Variants in KLHL29 observed in about 807,000 individuals in gnomAD.
KLHL29 encodes kelch-like protein 29.
A neutral mutation model predicts 80.4 loss-of-function variants in KLHL29; 21 were observed. The ratio of observed to expected loss-of-function variants is 0.26; its 90% CI spans 0.19 to 0.38. The LOEUF (loss-of-function observed/expected upper bound fraction) is 0.38. Among genes scored for constraint, KLHL29 ranks in the 10% least tolerant of loss-of-function variants. The probability of loss-of-function intolerance (pLI) is 1.00; values close to 1 mark genes in which losing one functional copy is unlikely to be tolerated. For missense variants in KLHL29, 867 were observed against 1,223.9 expected (o/e 0.71, Z 4.35); for synonymous variants, 511 against 526.8 (o/e 0.97, Z 0.41).
chr2:23,482,936 C>T (rs1034016438), intron 2 of KLHL29, among the ~76,000 whole-genome samples: 2 of 152,316 alleles, frequency 1.3e-5, no homozygotes, highest in Non-Finnish European at 2.9e-5. Context: ...GTCAGACTTT[C>T]GCCCTGCCTG....
At chr2:23,577,476 G>A (rs780443480) in intron 3 of KLHL29, among the ~76,000 whole-genome samples, 28 of 151,628 alleles carry the variant, frequency 1.8e-4, no homozygotes, top group Middle Eastern at 3.4e-3. Flanking sequence ...GCCATGCGCG[G>A]TGGCTCACAC....
At chr2:23,602,514 C>A (rs1668597137) in intron 3 of KLHL29, among the ~76,000 whole-genome samples, 2 of 152,030 alleles carry the variant, frequency 1.3e-5, no homozygotes, top group Non-Finnish European at 2.9e-5. Context: ...TAGGAAGCCA[C>A]AACAGGGGTA....
intron 2 of KLHL29, among the ~76,000 whole-genome samples, chr2:23,478,986 C>T (rs936873708): frequency 2.0e-5 from 3 of 151,834 alleles, no homozygotes; most frequent in African/African-American, 7.3e-5. Context: ...GCCTGCCTTC[C>T]CTCCCTCGTG....
At chr2:23,702,945 C>T (rs1239354511) in intron 11 of KLHL29, among the ~76,000 whole-genome samples, 2 of 152,236 alleles carry the variant, frequency 1.3e-5, no homozygotes, top group African/African-American at 2.4e-5. Context: ...TCTGCACAGA[C>T]GCTGCCATAG....
At chr2:23,621,559 A>T (rs932127547) in intron 3 of KLHL29, among the ~76,000 whole-genome samples, 6 of 132,522 alleles carry the variant, frequency 4.5e-5, no homozygotes, top group Non-Finnish European at 6.4e-5. Context: ...GGGGGAGGGG[A>T]GGGGGAGGAG....
intron 3 of KLHL29, among the ~76,000 whole-genome samples, chr2:23,590,384 A>G (rs994554040): frequency 1.3e-5 from 2 of 152,078 alleles, no homozygotes; most frequent in African/African-American, 2.4e-5. Flanking sequence ...GCTCAGACCT[A>G]TATGTTTTGT....
chr2:23,421,225 T>TGG (rs1662792146), intron 1 of KLHL29, among the ~76,000 whole-genome samples: 1 of 152,256 alleles, frequency 6.6e-6, no homozygotes, highest in Admixed American at 6.5e-5. Flanking sequence ...TGCTAGACAA[T>TGG]GGTTGGCACC....
At chr2:23,583,528 G>A (rs953385201) in intron 3 of KLHL29, among the ~76,000 whole-genome samples, 2 of 152,212 alleles carry the variant, frequency 1.3e-5, no homozygotes, top group South Asian at 2.1e-4. Flanking sequence ...GGCGATTAAA[G>A]CGAGAAGCTC....
intron 3 of KLHL29, among the ~76,000 whole-genome samples, chr2:23,579,055 T>C (rs1241905125): frequency 1.3e-5 from 2 of 152,218 alleles, no homozygotes; most frequent in African/African-American, 2.4e-5. Context: ...GCTCCCGTTC[T>C]GTTTGTTGGT....
At chr2:23,462,207 G>A (rs1288798898) in intron 1 of KLHL29, among the ~76,000 whole-genome samples, 3 of 152,036 alleles carry the variant, frequency 2.0e-5, no homozygotes, top group Non-Finnish European at 4.4e-5. Context: ...ATGTATGTAG[G>A]CTTTTAAATA....
chr2:23,587,403 G>T (rs1668147885), intron 3 of KLHL29, among the ~76,000 whole-genome samples: 1 of 152,106 alleles, frequency 6.6e-6, no homozygotes. Context: ...GAGAATCAAT[G>T]ATTTTGCCTT....
chr2:23,652,350 G>A (rs1258506383), intron 5 of KLHL29, among the ~76,000 whole-genome samples: 4 of 152,226 alleles, frequency 2.6e-5, no homozygotes, highest in Admixed American at 2.0e-4. Context: ...ACCACCGATC[G>A]CTAGACAGTT....
At chr2:23,561,406 G>C (rs1417378409) in intron 2 of KLHL29, among the ~76,000 whole-genome samples, 2 of 152,180 alleles carry the variant, frequency 1.3e-5, no homozygotes, top group Non-Finnish European at 1.5e-5. Context: ...AGAGCTGTGT[G>C]GGAGATAGTC....
At chr2:23,676,611 C>T (rs1670929493) in intron 5 of KLHL29, among the ~76,000 whole-genome samples, 1 of 152,150 alleles carries the variant, frequency 6.6e-6, no homozygotes, top group African/African-American at 2.4e-5. Context: ...AGCAACATGG[C>T]GAGACCCTGT....
At chr2:23,522,752 G>A (rs778754149) in intron 2 of KLHL29, among the ~76,000 whole-genome samples, 8 of 152,114 alleles carry the variant, frequency 5.3e-5, no homozygotes, top group Admixed American at 1.3e-4. Context: ...GGACCCCCGA[G>A]CTTTTATTCC....
At chr2:23,502,367 G>C (rs1558362101) in intron 2 of KLHL29, among the ~76,000 whole-genome samples, 1 of 152,262 alleles carries the variant, frequency 6.6e-6, no homozygotes, top group African/African-American at 2.4e-5. Context: ...GTGTGTTCCT[G>C]AGACGCTGCC....
intron 1 of KLHL29, among the ~76,000 whole-genome samples, chr2:23,410,816 C>G (rs1293142835): frequency 2.0e-5 from 3 of 152,042 alleles, no homozygotes; most frequent in Non-Finnish European, 2.9e-5. Flanking sequence ...ACACGGGAAA[C>G]CACACGTCTA....
At chr2:23,574,217 G>T (rs1166305073) in intron 3 of KLHL29, among the ~76,000 whole-genome samples, 1 of 152,150 alleles carries the variant, frequency 6.6e-6, no homozygotes, top group Non-Finnish European at 1.5e-5. Context: ...TTCATCTCAA[G>T]CCCTGTTCCC....
intron 2 of KLHL29, among the ~76,000 whole-genome samples, chr2:23,533,627 G>A (rs1350684935): frequency 1.3e-5 from 2 of 152,326 alleles, no homozygotes; most frequent in South Asian, 2.1e-4. Flanking sequence ...GCTGCAGATG[G>A]GGTGCGGCGT....
Sources: gnomAD v4.1 joint callset for allele counts (sites outside exome capture counted in the v4.1 genomes callset) on GRCh38, gnomAD v4.1.1 for gene constraint, MANE v1.5 for transcripts, NCBI Gene and HGNC (gene_info 2026-07-23, HGNC 2026-07-21) for gene names.